The following SOX11 variants were observed in gnomAD, a reference collection of about 807,000 sequenced individuals.
SOX11 encodes the protein SRY-box transcription factor 11, also known as transcription factor SOX-11.
SOX11 carries 5 observed loss-of-function variants against 16.7 expected under a neutral mutation model. That is an observed-to-expected ratio of 0.30 (90% CI 0.16 to 0.63). The LOEUF (loss-of-function observed/expected upper bound fraction) is 0.63, where lower values mean the gene tolerates loss of function less well. Among genes scored for constraint, SOX11 ranks in the 20% least tolerant of loss-of-function variants. The pLI is 0.82. For synonymous variants in SOX11, 363 were observed against 298.8 expected (o/e 1.21, Z -2.22); for missense variants, 492 against 641.5 (o/e 0.77, Z 2.52).
rs1665715876 is a variant in SOX11 at position 5,695,679 on chromosome 2, G to A, written c.*1632G>A. 6.0e-6 allele frequency: 1 copy of A among 166,712 alleles called. No individual in the cohort carries two copies. The highest frequency in any genetic ancestry group is 2.4e-5 in the African/African-American group (1 of 41,254). The allele number at this position is 166,712 out of a possible 1,614,324, so 10.3% of individuals were successfully genotyped here. A position where few individuals can be genotyped will look rare whatever the true frequency, so the allele number is the denominator to read the frequency against. On this transcript the variant is annotated 3_prime_UTR_variant, in exon 1 of 1. Transcript: ENST00000322002. ...AGTCTCTATGGAAGTCAAACTGGAGGTCCTGTTGTCGCAGAGCATTCGGTG... is the reference window on the plus strand; with the variant it reads ...AGTCTCTATGGAAGTCAAACTGGAGATCCTGTTGTCGCAGAGCATTCGGTG...
Position 5,694,262 on chromosome 2 carries a change from A to G in SOX11, c.*215A>G, listed in dbSNP as rs550135497. On this transcript the variant is annotated 3_prime_UTR_variant, in exon 1 of 1. Coordinates refer to ENST00000322002, the MANE Select transcript of SOX11 (RefSeq NM_003108.4). ...GAAAACATGATGAAAATTTTGGTGGAGTTAAAGTGAAATGAGTAGTTTTTA... is the reference window on the plus strand; with the variant it reads ...GAAAACATGATGAAAATTTTGGTGGGGTTAAAGTGAAATGAGTAGTTTTTA... 8 of 614,348 alleles carry G rather than the reference A, an allele frequency of 1.3e-5. No homozygotes were observed. The South Asian group carries it at 2.6e-4, about 20-fold the overall frequency. The allele number at this position is 614,348 out of a possible 1,614,324, so 38.1% of individuals were successfully genotyped here.
rs1285010245 is a variant in SOX11 at position 5,695,993 on chromosome 2, T to G, written c.*1946T>G. 1 of 166,640 alleles carries G rather than the reference T, an allele frequency of 6.0e-6. No individual in the cohort carries two copies. Among genetic ancestry groups the G allele is most frequent in the African/African-American group, 2.4e-5 (1 of 41,394 alleles). 10.3% of individuals were successfully genotyped at this position (166,640 alleles called of 1,614,324 possible). On this transcript the variant is annotated 3_prime_UTR_variant, in exon 1 of 1. Transcript: ENST00000322002. ...CCGGGGAGGGGCGGATGGAGGGGCC[T>G]GGGTTGCCAGCTCCCTTGGTCGGGG...
In SOX11 at chr2:5,693,720, C is replaced by T. The variant is rs755637385; in HGVS notation, c.999C>T (p.Pro333=). The T allele has an allele frequency of 5.0e-6, 8 of 1,597,306 alleles. No individual in the cohort carries two copies. Among genetic ancestry groups the T allele is most frequent in the African/African-American group, 1.3e-5 (1 of 74,794 alleles). The change falls in exon 1 of 1, where the codon CCC becomes CCT. Residue 333 remains proline (P), a synonymous_variant. Coordinates refer to ENST00000322002, the MANE Select transcript of SOX11 (RefSeq NM_003108.4). The surrounding 1 kb of genome is among the most constrained non-coding windows in gnomAD (Gnocchi z 8.6). ...PPPLAQPALS[P]ASSRSVSTSS... is the part of the protein sequence containing the mutation. ...CGCTCGCGCAGCCCGCGCTGTCGCC[C>T]GCGTCCTCGCGCTCGGTGTCCACCT...
In SOX11 at chr2:5,694,660, A is replaced by T. The variant is rs1665698368; in HGVS notation, c.*613A>T. The stretch of plus-strand genomic sequence containing the variant: ...AAAAGGGACCATTGCAACTTTTGTT[A>T]ATTTAATTTTTTTTTTTTTTTTTTT... On this transcript the variant is annotated 3_prime_UTR_variant, in exon 1 of 1. Coordinates refer to ENST00000322002, the MANE Select transcript of SOX11 (RefSeq NM_003108.4). 1 of 130,888 alleles carries T rather than the reference A, an allele frequency of 7.6e-6. No homozygotes were observed. The highest frequency in any genetic ancestry group is 3.1e-5 in the African/African-American group (1 of 32,598). The allele number at this position is 130,888 out of a possible 1,614,324, so 8.1% of individuals were successfully genotyped here.
chr2:5,693,561 G>C lies in SOX11; in HGVS notation c.840G>C (p.Thr280=), dbSNP rs766602101. ...YNVAKVPASP[T]LSSSAESPEG... is the part of the protein sequence containing the mutation. ...TCGCCAAAGTGCCCGCCAGCCCTAC[G>C]CTGAGCAGCTCGGCGGAGTCCCCCG... The change falls in exon 1 of 1, where the codon ACG becomes ACC. Residue 280 remains threonine, a synonymous_variant. Coordinates refer to ENST00000322002, the MANE Select transcript of SOX11 (RefSeq NM_003108.4). The surrounding 1 kb of genome is among the most constrained non-coding windows in gnomAD (Gnocchi z 8.6). 1.3e-5 allele frequency: 21 copies of C among 1,563,650 alleles called. No individual in the cohort carries two copies. The highest frequency in any genetic ancestry group is 2.7e-5 in the African/African-American group (2 of 74,004).
In SOX11 at chr2:5,701,373, T is replaced by C. The variant is rs1210031379; in HGVS notation, c.*7326T>C. ...TTCAAAAGACTCTAATAAAATTGTG[T>C]GATCAATCTTCACTTGTGGTTTTTA... is the stretch of plus-strand genomic sequence containing the variant. On this transcript the variant is annotated 3_prime_UTR_variant, in exon 1 of 1. Transcript: ENST00000322002. 1 of 166,966 alleles carries C rather than the reference T, an allele frequency of 6.0e-6. No individual in the cohort carries two copies. Among genetic ancestry groups the C allele is most frequent in the East Asian group, 1.9e-4 (1 of 5,196 alleles). The allele number at this position is 166,966 out of a possible 1,614,324, so 10.3% of individuals were successfully genotyped here.
Position 5,693,084 on chromosome 2 carries a change from G to A in SOX11, c.363G>A (p.Arg121=), listed in dbSNP as rs1181870753. The change falls in exon 1 of 1, where the codon CGG becomes CGA. Residue 121 remains arginine, a synonymous_variant. Transcript: ENST00000322002. The surrounding 1 kb of genome is among the most constrained non-coding windows in gnomAD (Gnocchi z 8.6). ...ACCCCGACTACAAGTACCGGCCCCG[G>A]AAAAAGCCCAAAATGGACCCCTCGG... is the stretch of plus-strand genomic sequence containing the variant. ...ADYPDYKYRP[R]KKPKMDPSAK... The A allele has an allele frequency of 1.2e-6, 2 of 1,613,808 alleles. No homozygotes were observed. Among genetic ancestry groups the A allele is most frequent in the African/African-American group, 2.7e-5 (2 of 74,934 alleles).
At position 5,694,899 on chromosome 2, in the gene SOX11, C is replaced by T. The variant is rs1254872359; in HGVS notation, c.*852C>T. Reference sequence around the variant, plus strand: ...CCAACTTTTTTTTTGTAACTTGTTCCCTTATACCTCCTTGATTGAATACCA... The same window carrying T: ...CCAACTTTTTTTTTGTAACTTGTTCTCTTATACCTCCTTGATTGAATACCA... On this transcript the variant is annotated 3_prime_UTR_variant, in exon 1 of 1. Coordinates refer to ENST00000322002, the MANE Select transcript of SOX11 (RefSeq NM_003108.4). The T allele has an allele frequency of 6.0e-6, 1 of 165,846 alleles. No homozygotes were observed. Among genetic ancestry groups the T allele is most frequent in the Non-Finnish European group, 1.5e-5 (1 of 67,894 alleles). The allele number at this position is 165,846 out of a possible 1,614,324, so 10.3% of individuals were successfully genotyped here.
chr2:5,696,804 G>T lies in SOX11; in HGVS notation c.*2757G>T. 1 of 154,304 alleles carries T rather than the reference G, an allele frequency of 6.5e-6. No homozygotes were observed. The allele number at this position is 154,304 out of a possible 1,614,324, so 9.6% of individuals were successfully genotyped here. On this transcript the variant is annotated 3_prime_UTR_variant, in exon 1 of 1. Coordinates refer to ENST00000322002, the MANE Select transcript of SOX11 (RefSeq NM_003108.4). ...CGGCTGCCGCACCCGCGCACCCCGG[G>T]CCCTCACCACGCCCTCCCCGCGCGC...
rs541129416 is a variant in SOX11 at position 5,699,218 on chromosome 2, G to C, written c.*5171G>C. 4.7e-4 allele frequency: 78 copies of C among 166,868 alleles called. No homozygotes were observed. Among genetic ancestry groups the C allele is most frequent in the African/African-American group, 1.8e-3 (76 of 41,534 alleles). The allele number at this position is 166,868 out of a possible 1,614,324, so 10.3% of individuals were successfully genotyped here. ...TTATGTAGGAAGACCAGCGAAAATA[G>C]TTTACTGAGTTGTCAATTTTATCAG... On this transcript the variant is annotated 3_prime_UTR_variant, in exon 1 of 1. Coordinates refer to ENST00000322002, the MANE Select transcript of SOX11 (RefSeq NM_003108.4).
At position 5,692,551 on chromosome 2, in the gene SOX11, A is replaced by T; in HGVS notation, c.-171A>T. ...CGGCCGTCGTCGCCGAAGCCACCAC[A>T]GCCGCTGTGTGCAGCCTGGAAGGGG... is the stretch of plus-strand genomic sequence containing the variant. On this transcript the variant is annotated 5_prime_UTR_variant, in exon 1 of 1. Transcript: ENST00000322002. 1 of 503,068 alleles carries T rather than the reference A, an allele frequency of 2.0e-6. No individual in the cohort carries two copies. The highest frequency in any genetic ancestry group is 3.2e-6 in the Non-Finnish European group (1 of 315,878). The allele number at this position is 503,068 out of a possible 1,614,324, so 31.2% of individuals were successfully genotyped here.
At position 5,694,491 on chromosome 2, in the gene SOX11, C is replaced by T. The variant is rs1665694368; in HGVS notation, c.*444C>T. ...GAGGTAGGACCCGCTCCGGAAGGCG[C>T]TGTTTGAAGCTTGTCGGTCTTTGAA... On this transcript the variant is annotated 3_prime_UTR_variant, in exon 1 of 1. Transcript: ENST00000322002. 4 of 324,704 alleles carry T rather than the reference C, an allele frequency of 1.2e-5. No individual in the cohort carries two copies. Among genetic ancestry groups the T allele is most frequent in the Non-Finnish European group, 2.3e-5 (4 of 171,332 alleles). The allele number at this position is 324,704 out of a possible 1,614,324, so 20.1% of individuals were successfully genotyped here. A position where few individuals can be genotyped will look rare whatever the true frequency, so the allele number is the denominator to read the frequency against.
rs1165097786 is a variant in SOX11, at chr2:5,693,499, G to GGGCAGCAGCCGTCGC, written c.779_793dup (p.Ser264_Gln265insArgGlnGlnProSer). ...GCACCAGCAGCTCCTGCAGCCGCCG[G>GGGCAGCAGCCGTCGC]GGCAGCAGCCGTCGCAGCTGCTGAG... is the stretch of plus-strand genomic sequence containing the variant. On this transcript the variant is annotated inframe_insertion, in exon 1 of 1. Coordinates refer to ENST00000322002, the MANE Select transcript of SOX11 (RefSeq NM_003108.4). The surrounding 1 kb of genome is among the most constrained non-coding windows in gnomAD (Gnocchi z 8.6). 6.3e-7 allele frequency: 1 copy of GGGCAGCAGCCGTCGC among 1,579,998 alleles called. No individual in the cohort carries two copies. The highest frequency in any genetic ancestry group is 8.5e-7 in the Non-Finnish European group (1 of 1,170,782).
At position 5,699,709 on chromosome 2, in the gene SOX11, C is replaced by CTTTTTTTTT; in HGVS notation, c.*5672_*5680dup. The CTTTTTTTTT allele has an allele frequency of 1.4e-5, 2 of 141,768 alleles. No individual in the cohort carries two copies. Among genetic ancestry groups the CTTTTTTTTT allele is most frequent in the Non-Finnish European group, 1.6e-5 (1 of 62,636 alleles). The allele number at this position is 141,768 out of a possible 1,614,324, so 8.8% of individuals were successfully genotyped here. A position where few individuals can be genotyped will look rare whatever the true frequency, so the allele number is the denominator to read the frequency against. The stretch of plus-strand genomic sequence containing the variant: ...TCTCTTCCATTTTACTTACTGCTGG[C>CTTTTTTTTT]TTTTTTTTTTTTTTTTTTCCTTGAT... On this transcript the variant is annotated 3_prime_UTR_variant, in exon 1 of 1. Transcript: ENST00000322002.
chr2:5,692,661 A>T lies in SOX11; in HGVS notation c.-61A>T. Reference sequence around the variant, plus strand: ...AGGAAGGTGGAGGGGTGGGAGGGGGAGGGGGACCTCCGCACGAGACCCAGC... The same window carrying T: ...AGGAAGGTGGAGGGGTGGGAGGGGGTGGGGGACCTCCGCACGAGACCCAGC... On this transcript the variant is annotated 5_prime_UTR_variant, in exon 1 of 1. Coordinates refer to ENST00000322002, the MANE Select transcript of SOX11 (RefSeq NM_003108.4). 1 of 1,216,554 alleles carries T rather than the reference A, an allele frequency of 8.2e-7. No homozygotes were observed. Among genetic ancestry groups the T allele is most frequent in the Non-Finnish European group, 1.1e-6 (1 of 939,800 alleles). The allele number at this position is 1,216,554 out of a possible 1,614,324, so 75.4% of individuals were successfully genotyped here. A position where few individuals can be genotyped will look rare whatever the true frequency, so the allele number is the denominator to read the frequency against.
Position 5,693,182 on chromosome 2 carries a change from C to T in SOX11, c.461C>T (p.Ala154Val). Residue 154 changes from alanine (A) to valine (V), a missense_variant, in exon 1 of 1, where the codon GCG becomes GTG. By Grantham distance (64) the Ala-to-Val change is moderately conservative. Coordinates refer to ENST00000322002, the MANE Select transcript of SOX11 (RefSeq NM_003108.4). The surrounding 1 kb of genome is among the most constrained non-coding windows in gnomAD (Gnocchi z 8.6). Reference sequence around the variant, plus strand: ...GGCGGCGGGAGCGCGGGCGGAGGCGCGGGCGGTGCCAAGACCTCCAAGGGC... The same window carrying T: ...GGCGGCGGGAGCGCGGGCGGAGGCGTGGGCGGTGCCAAGACCTCCAAGGGC... ...GGGGGSAGGG[A>V]GGAKTSKGSS... 1 of 1,548,928 alleles carries T rather than the reference C, an allele frequency of 6.5e-7. No individual in the cohort carries two copies. Among genetic ancestry groups the T allele is most frequent in the South Asian group, 1.2e-5 (1 of 85,624 alleles).
rs767752007 is a variant in SOX11, at chr2:5,693,646, A to T, written c.925A>T (p.Ser309Cys). The T allele has an allele frequency of 2.5e-6, 4 of 1,588,396 alleles. No homozygotes were observed. The highest frequency in any genetic ancestry group is 3.4e-6 in the Non-Finnish European group (4 of 1,174,306). Residue 309 changes from serine to cysteine, a missense_variant, in exon 1 of 1, where the codon AGC (serine) becomes TGC (cysteine). By Grantham distance (112) the Ser-to-Cys change is moderately radical. Coordinates refer to ENST00000322002, the MANE Select transcript of SOX11 (RefSeq NM_003108.4). The surrounding 1 kb of genome is among the most constrained non-coding windows in gnomAD (Gnocchi z 8.6). ...AGATSGAGGG[S>C]RLYYSFKNIT... Reference sequence around the variant, plus strand: ...CGCGACCTCGGGCGCCGGGGGCGGCAGCCGCCTCTACTACAGCTTCAAGAA... The same window carrying T: ...CGCGACCTCGGGCGCCGGGGGCGGCTGCCGCCTCTACTACAGCTTCAAGAA...
In SOX11 at chr2:5,698,126, C is replaced by A. The variant is rs1011663858; in HGVS notation, c.*4079C>A. 1 of 166,996 alleles carries A rather than the reference C, an allele frequency of 6.0e-6. No homozygotes were observed. Among genetic ancestry groups the A allele is most frequent in the Admixed American group, 6.5e-5 (1 of 15,288 alleles). 10.3% of individuals were successfully genotyped at this position (166,996 alleles called of 1,614,324 possible). ...AAAACCTGTTAGAACTCAGGACAGG[C>A]GCTTCAATGCGCTTTTTAACAATAT... On this transcript the variant is annotated 3_prime_UTR_variant, in exon 1 of 1. Coordinates refer to ENST00000322002, the MANE Select transcript of SOX11 (RefSeq NM_003108.4).
rs1468593781 is a variant in SOX11 at position 5,698,888 on chromosome 2, TG to T, written c.*4842del. The T allele has an allele frequency of 6.0e-6, 1 of 167,120 alleles. No individual in the cohort carries two copies. The highest frequency in any genetic ancestry group is 2.4e-5 in the African/African-American group (1 of 41,478). 10.4% of individuals were successfully genotyped at this position (167,120 alleles called of 1,614,324 possible). The stretch of plus-strand genomic sequence containing the variant: ...TAGTACAGTACAAGAAATTTACATT[TG>T]TTTTTTACTTCAGAATTTAAGTGAC... On this transcript the variant is annotated 3_prime_UTR_variant, in exon 1 of 1. Transcript: ENST00000322002.
Sources: allele counts gnomAD v4.1 joint callset, GRCh38; gene constraint gnomAD v4.1.1; non-coding constraint Gnocchi (gnomAD v3.1); transcripts MANE v1.5; gene names NCBI Gene and HGNC (gene_info 2026-07-23, HGNC 2026-07-21).